The following ARHGEF28 variants were observed in gnomAD, a reference collection of about 807,000 sequenced individuals.
The protein encoded by ARHGEF28 is Rho guanine nucleotide exchange factor 28, also known as 190 kDa guanine nucleotide exchange factor.
Under a neutral mutation model 206.6 loss-of-function variants are expected in ARHGEF28, and 152 were observed. The ratio of observed to expected loss-of-function variants is 0.74; its 90% confidence interval spans 0.64 to 0.84. The LOEUF is 0.84. Among genes scored for constraint, ARHGEF28 ranks in the 40% least tolerant of loss-of-function variants. The pLI is 0.00. For missense variants in ARHGEF28, 2,028 were observed against 2,073.2 expected, an observed-to-expected ratio of 0.98 and a Z score of 0.42; for synonymous variants, 763 against 776.4, an observed-to-expected ratio of 0.98 and a Z score of 0.29.
At chr5:73,731,170 T>C (rs1480317822) in intron 2 of ARHGEF28, among the ~76,000 whole-genome samples, 1 of 152,332 alleles carries the variant, frequency 6.6e-6, no homozygotes, top group African/African-American at 2.4e-5. Context: ...TGGGAAGATG[T>C]TTTTATTGAC....
intron 35 of ARHGEF28, among the ~76,000 whole-genome samples, chr5:73,932,800 CTTTTTTT>C (rs386404110): frequency 2.9e-4 from 21 of 73,436 alleles, no homozygotes; most frequent in South Asian, 1.2e-3. Context: ...TTTCCTATTT[CTTTTTTT>C]TTTTTTTTTT....
At chr5:73,847,789 A>G (rs1758456718) in intron 12 of ARHGEF28, among the ~76,000 whole-genome samples, 1 of 152,232 alleles carries the variant, frequency 6.6e-6, no homozygotes, top group African/African-American at 2.4e-5. Flanking sequence ...CCACGTATAC[A>G]TGACTCTGAA....
At chr5:73,659,552 T>C (rs574064484) in intron 1 of ARHGEF28, among the ~76,000 whole-genome samples, 2 of 151,818 alleles carry the variant, frequency 1.3e-5, no homozygotes, top group South Asian at 2.1e-4. Flanking sequence ...AAGTTTGTTA[T>C]GTGTTTGTGA....
intron 2 of ARHGEF28, among the ~76,000 whole-genome samples, chr5:73,749,453 G>A (rs750673887): frequency 1.3e-5 from 2 of 152,268 alleles, no homozygotes; most frequent in African/African-American, 2.4e-5. Flanking sequence ...GATTGCTTGC[G>A]CAGAGGAGTT....
intron 26 of ARHGEF28, among the ~76,000 whole-genome samples, chr5:73,888,527 G>C (rs1299311405): frequency 6.6e-6 from 1 of 152,134 alleles, no homozygotes; most frequent in Non-Finnish European, 1.5e-5. Context: ...GGGCCATGTA[G>C]GAACAGGAAA....
intron 2 of ARHGEF28, among the ~76,000 whole-genome samples, chr5:73,689,272 CT>C (rs1278839911): frequency 6.6e-6 from 1 of 152,144 alleles, no homozygotes; most frequent in Non-Finnish European, 1.5e-5. Flanking sequence ...GAAGGAGACT[CT>C]ATTTTCTTCT....
At chr5:73,905,844 A>G (rs1762520289) in intron 33 of ARHGEF28, among the ~76,000 whole-genome samples, 1 of 152,232 alleles carries the variant, frequency 6.6e-6, no homozygotes, top group African/African-American at 2.4e-5. Context: ...TGCCAAAATA[A>G]TCAAATCAAC....
intron 4 of ARHGEF28, among the ~76,000 whole-genome samples, chr5:73,763,468 T>C (rs145586436): frequency 5.9e-5 from 9 of 152,330 alleles, no homozygotes; most frequent in Non-Finnish European, 8.8e-5. Context: ...AGACTTCCAA[T>C]GCAGACTTCA....
At chr5:73,770,504 G>C (rs543289308) in intron 4 of ARHGEF28, among the ~76,000 whole-genome samples, 4 of 152,192 alleles carry the variant, frequency 2.6e-5, no homozygotes, top group African/African-American at 9.6e-5. Context: ...ATAACTCCTG[G>C]CACCAACCAA....
rs536597186 is a variant in ARHGEF28 at position 73,794,424 on chromosome 5, C to T, written c.933C>T (p.Ser311=). ...TEEEIKNSVS[S]RSAAEKEDIK... ...CAGAGATTAAGAATTCAGTGTCCAG[C>T]AGATCAGCAGCTGAAAAGGAAGATA... Residue 311 remains serine (S), a synonymous_variant, in exon 8 of 36, where the codon AGC becomes AGT. Transcript: ENST00000513042. 512 of 1,604,196 alleles carry T rather than the reference C, an allele frequency of 3.2e-4. 5 individuals carry two copies. In the South Asian group the frequency reaches 5.5e-3, roughly 17 times the overall value.
intron 7 of ARHGEF28, among the ~76,000 whole-genome samples, chr5:73,783,376 G>GTGTGTGTGTGTGTGTGTGTA (rs1753963041): frequency 7.4e-6 from 1 of 134,602 alleles, no homozygotes; most frequent in Non-Finnish European, 1.7e-5. Context: ...GTGTGTGTGT[G>GTGTGTGTGTGTGTGTGTGTA]TGTGTGTGTA....
At chr5:73,731,061 G>A (rs1580537577) in intron 2 of ARHGEF28, among the ~76,000 whole-genome samples, 1 of 149,274 alleles carries the variant, frequency 6.7e-6, no homozygotes, top group South Asian at 2.1e-4. Context: ...GAAAATTCTT[G>A]ATGTTCTCTG....
At chr5:73,829,028 C>T (rs770406330) in intron 9 of ARHGEF28, among the ~76,000 whole-genome samples, 4 of 152,110 alleles carry the variant, frequency 2.6e-5, no homozygotes, top group Non-Finnish European at 4.4e-5. Flanking sequence ...GTCATGTTGC[C>T]CAGGCTGGTC....
rs533627011 is a variant in ARHGEF28 at position 73,872,142 on chromosome 5, A to G, written c.2567-857A>G. ...AGGGTTCCAGTTTCTCCACATCCTC[A>G]CCAATACCTGTTTGTTGCTTTTTTA... On this transcript the variant is annotated intron_variant, in intron 21 of 35. Transcript: ENST00000513042. 7.2e-5 allele frequency among the ~76,000 whole-genome samples: 11 copies of G among 152,126 alleles called. No homozygotes were observed. In the South Asian group the frequency reaches 2.3e-3, roughly 32 times the overall value.
chr5:73,823,360 G>A (rs1037577869), intron 9 of ARHGEF28, among the ~76,000 whole-genome samples: 8 of 152,126 alleles, frequency 5.3e-5, no homozygotes, highest in African/African-American at 1.7e-4. Context: ...CTTTACTTAA[G>A]AGGCACATTT....
intron 26 of ARHGEF28, among the ~76,000 whole-genome samples, chr5:73,891,849 G>C (rs780035151): frequency 9.2e-5 from 14 of 152,112 alleles, no homozygotes; most frequent in Non-Finnish European, 1.9e-4. Flanking sequence ...TTAAGGATGA[G>C]CATGCCTATA....
chr5:73,713,865 T>C (rs569017915), intron 2 of ARHGEF28, among the ~76,000 whole-genome samples: 8 of 152,256 alleles, frequency 5.3e-5, no homozygotes, highest in African/African-American at 1.9e-4. Flanking sequence ...TTATTGATGT[T>C]TTTCAGAGAG....
chr5:73,787,511 A>G (rs1006906725), intron 7 of ARHGEF28, among the ~76,000 whole-genome samples: 36 of 152,120 alleles, frequency 2.4e-4, no homozygotes, highest in Admixed American at 5.9e-4. Flanking sequence ...TACATTAGGT[A>G]TTTCTTCTAA....
intron 22 of ARHGEF28, among the ~76,000 whole-genome samples, chr5:73,878,731 T>G (rs1029379898): frequency 1.3e-4 from 20 of 151,394 alleles, no homozygotes; most frequent in Admixed American, 3.3e-4. Flanking sequence ...ATTCTTTTCT[T>G]TAAGAATGTT....
Sources: allele counts gnomAD v4.1 joint callset (sites outside exome capture counted in the v4.1 genomes callset), GRCh38; gene constraint gnomAD v4.1.1; transcripts MANE v1.5; gene names NCBI Gene and HGNC (gene_info 2026-07-23, HGNC 2026-07-21).